Variants in EFR3A observed in about 807,000 individuals in gnomAD.
The protein encoded by EFR3A is protein EFR3 homolog A.
EFR3A carries 76 observed loss-of-function variants against 104.4 expected under a neutral mutation model. The observed-to-expected ratio is 0.73, with a 90% CI of 0.60 to 0.88. The LOEUF (loss-of-function observed/expected upper bound fraction) is 0.88, where lower values mean the gene tolerates loss of function less well. Ranked by LOEUF, EFR3A falls within the 40% of genes least tolerant of loss-of-function variation. EFR3A has a pLI of 0.00. For missense variants in EFR3A, 985 were observed against 1,012.5 expected (o/e 0.97, Z 0.37); for synonymous variants, 330 against 330.0 (o/e 1.00, Z 0.00).
intron 10 of EFR3A, among the ~76,000 whole-genome samples, chr8:131,971,266 A>C (rs996657113): frequency 6.6e-6 from 1 of 152,146 alleles, no homozygotes; most frequent in Admixed American, 6.5e-5. Flanking sequence ...TATTGCATTT[A>C]GTTGTAATAT....
chr8:131,998,239 A>T (rs1337240830), intron 19 of EFR3A, among the ~76,000 whole-genome samples: 1 of 152,090 alleles, frequency 6.6e-6, no homozygotes, highest in Non-Finnish European at 1.5e-5. Context: ...GACAGGAGAA[A>T]TTCACATCAG....
intron 16 of EFR3A, among the ~76,000 whole-genome samples, chr8:131,985,795 A>C (rs528704516): frequency 5.1e-4 from 78 of 152,346 alleles, no homozygotes; most frequent in Non-Finnish European, 9.4e-4. Context: ...GAGCCAGTCC[A>C]CACAAGTGCC....
chr8:131,934,406 CA>C (rs1817771722), intron 1 of EFR3A, among the ~76,000 whole-genome samples: 1 of 152,244 alleles, frequency 6.6e-6, no homozygotes, highest in South Asian at 2.1e-4. Context: ...ACTTTAGCCG[CA>C]AGTTGTTTTC....
At position 132,002,682 on chromosome 8, in the gene EFR3A, A is replaced by G. The variant is rs751998501; in HGVS notation, c.2286A>G (p.Glu762=). 6 of 1,613,730 alleles carry G rather than the reference A, an allele frequency of 3.7e-6. No homozygotes were observed. The highest frequency in any genetic ancestry group is 4.5e-5 in the East Asian group (2 of 44,858). ...IEKFQKAPFE[E]IAAQCESKAN... ...AATTTCAGAAAGCACCTTTTGAAGAAATAGCAGCACAGTGTGAATCCAAAG... is the reference window on the plus strand; with the variant it reads ...AATTTCAGAAAGCACCTTTTGAAGAGATAGCAGCACAGTGTGAATCCAAAG... The change falls in exon 21 of 23, where the codon GAA becomes GAG. Residue 762 remains glutamate, a synonymous_variant. Coordinates refer to ENST00000254624, the MANE Select transcript of EFR3A (RefSeq NM_015137.6).
At position 132,011,233 on chromosome 8, in the gene EFR3A, T is replaced by C. The variant is rs72631809; in HGVS notation, c.*338T>C. The C allele has an allele frequency of 7.7e-3, 7,780 of 1,004,646 alleles. 39 individuals are homozygous for C. Among genetic ancestry groups the C allele is most frequent in the Admixed American group, 8.5e-3 (155 of 18,256 alleles). 62.2% of individuals were successfully genotyped at this position (1,004,646 alleles called of 1,614,324 possible). ...TTTTAAAAAGTAAGCCTTCAGAGGA[T>C]TGAAACTGTATAAATTGTTTATCTC... On this transcript the variant is annotated 3_prime_UTR_variant, in exon 23 of 23. Transcript: ENST00000254624.
At chr8:131,971,089 A>G (rs539462858) in intron 10 of EFR3A, among the ~76,000 whole-genome samples, 9 of 152,318 alleles carry the variant, frequency 5.9e-5, no homozygotes, top group African/African-American at 2.2e-4. Context: ...TTTTTCCAAA[A>G]AATAAATGTA....
At chr8:131,931,313 G>A (rs1237756908) in intron 1 of EFR3A, among the ~76,000 whole-genome samples, 3 of 152,130 alleles carry the variant, frequency 2.0e-5, no homozygotes, top group Admixed American at 6.5e-5. Context: ...CAAACAGTAA[G>A]AGAAGATTTT....
intron 18 of EFR3A, among the ~76,000 whole-genome samples, chr8:131,994,343 T>C (rs1009157190): frequency 1.3e-5 from 2 of 152,136 alleles, no homozygotes; most frequent in African/African-American, 4.8e-5. Context: ...CCCTACTGTT[T>C]TGGGGGAACA....
intron 1 of EFR3A, among the ~76,000 whole-genome samples, chr8:131,915,797 T>C (rs1168734538): frequency 6.6e-6 from 1 of 152,228 alleles, no homozygotes. Flanking sequence ...AGTGAGACAG[T>C]AGTGCTAGGG....
rs1394840640 is a variant in EFR3A at position 131,952,055 on chromosome 8, A to G, written c.489-1763A>G. Among the ~76,000 whole-genome samples, 3 of 152,180 alleles carry G rather than the reference A, an allele frequency of 2.0e-5. No homozygotes were observed. The East Asian group carries it at 5.8e-4, about 30-fold the overall frequency. ...AGGATTTTCTTATTTTCCTTGAAGA[A>G]CTGGCTCCCACTTGTAGAGTCATGC... is the stretch of plus-strand genomic sequence containing the variant. On this transcript the variant is annotated intron_variant, in intron 5 of 22. Coordinates refer to ENST00000254624, the MANE Select transcript of EFR3A (RefSeq NM_015137.6).
chr8:131,936,552 GTC>G (rs974960528), intron 1 of EFR3A, among the ~76,000 whole-genome samples: 2 of 151,458 alleles, frequency 1.3e-5, no homozygotes, highest in Non-Finnish European at 2.9e-5. Context: ...CTCTGTCTCT[GTC>G]TCTCTCTCAA....
intron 17 of EFR3A, 141 bp downstream of exon 17, chr8:131,986,402 T>A: frequency 2.1e-6 from 1 of 476,704 alleles, no homozygotes; most frequent in Non-Finnish European, 3.7e-6. Context: ...TTTAATTCAT[T>A]TAATTATTTC....
At chr8:132,001,916 A>C (rs1821800546) in intron 20 of EFR3A, 109 bp downstream of exon 20, 4 of 928,554 alleles carry the variant, frequency 4.3e-6, no homozygotes, top group Non-Finnish European at 6.8e-6. Context: ...TAAACCAAAG[A>C]AACTTGTTGG....
intron 1 of EFR3A, among the ~76,000 whole-genome samples, chr8:131,914,857 C>T (rs548879138): frequency 2.0e-5 from 3 of 152,170 alleles, no homozygotes; most frequent in African/African-American, 7.2e-5. Context: ...CCTTTCTTGG[C>T]GTCCATGAGT....
intron 1 of EFR3A, among the ~76,000 whole-genome samples, chr8:131,937,893 G>A (rs1586567676): frequency 6.6e-6 from 1 of 151,790 alleles, no homozygotes; most frequent in East Asian, 1.9e-4. Context: ...CTAGGATAAG[G>A]AGGAACTAAA....
chr8:132,002,343 A>AGAGACAAAGG (rs1429245141), intron 20 of EFR3A, among the ~76,000 whole-genome samples: 4 of 152,210 alleles, frequency 2.6e-5, no homozygotes, highest in African/African-American at 9.6e-5. Context: ...TTTTGGTAAG[A>AGAGACAAAGG]GAGACAAAGG....
At chr8:131,905,990 A>G (rs569098930) in intron 1 of EFR3A, among the ~76,000 whole-genome samples, 3 of 152,366 alleles carry the variant, frequency 2.0e-5, no homozygotes, top group Admixed American at 1.3e-4. Flanking sequence ...TGGAGTTTAC[A>G]TAGTTAAGAA....
intron 1 of EFR3A, among the ~76,000 whole-genome samples, chr8:131,914,214 T>G (rs1337829239): frequency 6.6e-6 from 1 of 152,208 alleles, no homozygotes; most frequent in Non-Finnish European, 1.5e-5. Flanking sequence ...TCCTGTTTTC[T>G]TAGCTGGGCT....
chr8:132,009,616 G>A (rs1822224486), intron 22 of EFR3A, among the ~76,000 whole-genome samples: 1 of 152,056 alleles, frequency 6.6e-6, no homozygotes, highest in Non-Finnish European at 1.5e-5. Flanking sequence ...GGCAACTGTT[G>A]AGTTGATCTC....
Sources: gnomAD v4.1 joint callset for allele counts (sites outside exome capture counted in the v4.1 genomes callset) on GRCh38, gnomAD v4.1.1 for gene constraint, MANE v1.5 for transcripts, NCBI Gene and HGNC (gene_info 2026-07-23, HGNC 2026-07-21) for gene names.